ERBB4: variants seen among roughly 807,000 people sequenced by gnomAD.
ERBB4 encodes the protein erb-b2 receptor tyrosine kinase 4.
ERBB4 carries 42 observed loss-of-function variants against 158.0 expected under a neutral mutation model. The ratio of observed to expected loss-of-function variants is 0.27; its 90% CI spans 0.21 to 0.34. The LOEUF (loss-of-function observed/expected upper bound fraction) is 0.34. Ranked by LOEUF, ERBB4 falls within the 10% of genes least tolerant of loss-of-function variation. ERBB4 has a pLI of 1.00. For missense variants in ERBB4, 1,333 were observed against 1,624.1 expected, an observed-to-expected ratio of 0.82 and a Z score of 3.08; for synonymous variants, 583 against 558.7, an observed-to-expected ratio of 1.04 and a Z score of -0.61.
intron 3 of ERBB4, among the ~76,000 whole-genome samples, chr2:211,852,636 C>CTTTTTTTTTTT (rs10640429): frequency 5.8e-5 from 8 of 138,840 alleles, no homozygotes; most frequent in African/African-American, 2.1e-4. Flanking sequence ...CAATGGCCAA[C>CTTTTTTTTTTT]TTTTTTTTTT....
chr2:212,265,715 C>T (rs561839285), intron 1 of ERBB4, among the ~76,000 whole-genome samples: 1 of 152,030 alleles, frequency 6.6e-6, no homozygotes, highest in East Asian at 1.9e-4. Context: ...AAAATATACT[C>T]CATGATACAA....
At chr2:211,752,021 G>A (rs2106212813) in intron 4 of ERBB4, among the ~76,000 whole-genome samples, 1 of 152,264 alleles carries the variant, frequency 6.6e-6, no homozygotes, top group Non-Finnish European at 1.5e-5. Flanking sequence ...GACATCACCA[G>A]TGTATAATAT....
chr2:211,598,668 T>C (rs1449690303), intron 19 of ERBB4, among the ~76,000 whole-genome samples: 2 of 152,228 alleles, frequency 1.3e-5, no homozygotes, highest in Admixed American at 6.5e-5. Context: ...ATTCTTACCA[T>C]TGGAATACTC....
intron 1 of ERBB4, among the ~76,000 whole-genome samples, chr2:212,354,105 A>G (rs781215501): frequency 1.3e-5 from 2 of 152,138 alleles, no homozygotes; most frequent in Non-Finnish European, 2.9e-5. Flanking sequence ...ATCCTTACCA[A>G]TGAAGGCTCT....
At chr2:212,434,106 G>A (rs2092086789) in intron 1 of ERBB4, among the ~76,000 whole-genome samples, 1 of 151,890 alleles carries the variant, frequency 6.6e-6, no homozygotes, top group African/African-American at 2.4e-5. Flanking sequence ...TTACCCCTTA[G>A]GGGTCAGCAA....
chr2:212,138,335 A>G (rs537574005), intron 1 of ERBB4, among the ~76,000 whole-genome samples: 1 of 152,328 alleles, frequency 6.6e-6, no homozygotes, highest in South Asian at 2.1e-4. Flanking sequence ...TCTACTCAGC[A>G]GCATCTACAA....
At chr2:212,426,025 G>A (rs1443205220) in intron 1 of ERBB4, among the ~76,000 whole-genome samples, 1 of 151,844 alleles carries the variant, frequency 6.6e-6, no homozygotes, top group African/African-American at 2.4e-5. Flanking sequence ...CTTCAGAAAT[G>A]TCTTCTTATA....
intron 24 of ERBB4, 98 bp downstream of exon 24, chr2:211,421,909 T>A: frequency 1.3e-6 from 1 of 779,924 alleles, no homozygotes; most frequent in Non-Finnish European, 2.3e-6. Flanking sequence ...ATCAACATGT[T>A]TGTGGTCCTT....
chr2:212,065,912 T>C (rs1043211874), intron 2 of ERBB4, among the ~76,000 whole-genome samples: 3 of 152,034 alleles, frequency 2.0e-5, no homozygotes, highest in Non-Finnish European at 4.4e-5. Flanking sequence ...GTAACAATTG[T>C]AGTTCTGAAC....
chr2:212,281,885 T>C (rs777610996), intron 1 of ERBB4, among the ~76,000 whole-genome samples: 1 of 151,714 alleles, frequency 6.6e-6, no homozygotes, highest in African/African-American at 2.4e-5. Flanking sequence ...TGTTATAAAG[T>C]GTAAAAATCA....
intron 3 of ERBB4, 90 bp downstream of exon 3, chr2:211,947,340 C>T: frequency 9.4e-7 from 1 of 1,060,636 alleles, no homozygotes; most frequent in South Asian, 1.3e-5. Context: ...GAGTGTTCCT[C>T]AATGTAACAA....
chr2:212,018,898 G>A (rs1352556301), intron 2 of ERBB4, among the ~76,000 whole-genome samples: 1 of 152,114 alleles, frequency 6.6e-6, no homozygotes, highest in Non-Finnish European at 1.5e-5. Flanking sequence ...TGCACAAAGT[G>A]TAGTAAAAGC....
intron 1 of ERBB4, among the ~76,000 whole-genome samples, chr2:212,211,629 A>AAAAACC (rs148929858): frequency 0.38 from 55,748 of 148,112 alleles, 12,259 homozygotes; most frequent in East Asian, 0.76. Context: ...AAAAAAAAAA[A>AAAAACC]TGGATACATG....
At chr2:211,890,333 T>C (rs1249305114) in intron 3 of ERBB4, among the ~76,000 whole-genome samples, 2 of 135,796 alleles carry the variant, frequency 1.5e-5, no homozygotes, top group Admixed American at 1.5e-4. Flanking sequence ...AGAAATAAAA[T>C]ACTTCACAGA....
chr2:212,047,299 T>G (rs1247134250), intron 2 of ERBB4, among the ~76,000 whole-genome samples: 2 of 152,188 alleles, frequency 1.3e-5, no homozygotes, highest in Non-Finnish European at 2.9e-5. Context: ...ACAAAACTTC[T>G]AAATTATTCT....
intron 20 of ERBB4, among the ~76,000 whole-genome samples, chr2:211,475,550 T>C (rs1267262746): frequency 1.3e-5 from 2 of 152,042 alleles, no homozygotes; most frequent in East Asian, 3.9e-4. Flanking sequence ...GACATATAAA[T>C]ATGGAAGCAA....
chr2:212,492,824 G>T lies in ERBB4; in HGVS notation c.82+45625C>A, dbSNP rs150847588. ...TTTCTTTGGCAGAAAGAAGCTAAAA[G>T]TACTTTATAGACTCCACAACACATG... is the stretch of plus-strand genomic sequence containing the variant. On this transcript the variant is annotated intron_variant, in intron 1 of 27. Coordinates refer to ENST00000342788, the MANE Select transcript of ERBB4 (RefSeq NM_005235.3). Among the ~76,000 whole-genome samples the T allele has an allele frequency of 4.3e-3, 657 of 151,546 alleles. 3 individuals carry two copies. Among genetic ancestry groups the T allele is most frequent in the Middle Eastern group, 0.024 (7 of 294 alleles).
intron 20 of ERBB4, among the ~76,000 whole-genome samples, chr2:211,526,857 T>A (rs1158343170): frequency 6.6e-6 from 1 of 151,950 alleles, no homozygotes; most frequent in African/African-American, 2.4e-5. Context: ...AAAAAAGAAT[T>A]AGTGAGCTTG....
At chr2:212,338,486 A>C (rs756963329) in intron 1 of ERBB4, among the ~76,000 whole-genome samples, 5 of 152,150 alleles carry the variant, frequency 3.3e-5, no homozygotes, top group Non-Finnish European at 5.9e-5. Flanking sequence ...GAAAAATAAT[A>C]GTTCAAAGTA....
Sources: gnomAD v4.1 joint callset for allele counts (sites outside exome capture counted in the v4.1 genomes callset) on GRCh38, gnomAD v4.1.1 for gene constraint, MANE v1.5 for transcripts, NCBI Gene and HGNC (gene_info 2026-07-23, HGNC 2026-07-21) for gene names.